DHX8: variants seen among roughly 807,000 people sequenced by gnomAD.
The protein encoded by DHX8 is ATP-dependent RNA helicase DHX8.
DHX8 carries 67 observed loss-of-function variants against 140.7 expected under a neutral mutation model. That is an observed-to-expected ratio of 0.48 (90% CI 0.39 to 0.58). The LOEUF is 0.58. Ranked by LOEUF, DHX8 falls within the 20% of genes least tolerant of loss-of-function variation. The probability of loss-of-function intolerance (pLI) is 0.00; values close to 1 mark genes in which losing one functional copy is unlikely to be tolerated. For missense variants in DHX8, 887 were observed against 1,550.7 expected (o/e 0.57, Z 7.19); for synonymous variants, 533 against 553.2 (o/e 0.96, Z 0.51).
At chr17:43,528,757 G>C (rs1418190997), downstream of DHX8, 20 of 1,611,452 alleles carry the variant, frequency 1.2e-5, no homozygotes, top group Admixed American at 5.0e-5. Context: ...TGGGGAGAGA[G>C]AAGGTCTGGT....
intron 2 of DHX8, chr17:43,533,279 T>TA: frequency 6.2e-7 from 1 of 1,613,702 alleles, no homozygotes; most frequent in Non-Finnish European, 8.5e-7. Flanking sequence ...GAAAGGGCTG[T>TA]AGGGGCGACT....
chr17:43,513,560 C>A (rs9893137), intron 17 of DHX8, 58 bp downstream of exon 17: 4 of 1,566,246 alleles, frequency 2.6e-6, no homozygotes, highest in Non-Finnish European at 2.6e-6. Flanking sequence ...CTTTCTGAAA[C>A]TTTTTTATGG....
At chr17:43,505,572 A>G (rs772118512) in intron 12 of DHX8, among the ~76,000 whole-genome samples, 1 of 152,056 alleles carries the variant, frequency 6.6e-6, no homozygotes, top group Non-Finnish European at 1.5e-5. Context: ...CCATATCACA[A>G]ATGTTTGTGT....
chr17:43,515,128 G>C (rs764351611), intron 17 of DHX8, among the ~76,000 whole-genome samples: 1 of 151,984 alleles, frequency 6.6e-6, no homozygotes, highest in Non-Finnish European at 1.5e-5. Context: ...TTCATAATTT[G>C]TGAAAGCCTT....
intron 19 of DHX8, 93 bp from the exon 20 acceptor site, chr17:43,520,656 CTG>C: frequency 1.4e-6 from 2 of 1,465,154 alleles, no homozygotes; most frequent in Admixed American, 1.9e-5. Flanking sequence ...TTGGGAAAAT[CTG>C]TGTTGTTACC....
chr17:43,539,296 A>G lies in DHX8; in HGVS notation c.*20+2798A>G, dbSNP rs530127226. ...CTGCTGAGCTTGTTCCTTCTTCCCC[A>G]GATGCTTTCTTGCCTTTTTCTTTTT... On this transcript the variant is annotated intron_variant, in intron 3 of 3. Transcript: ENST00000589898. Among the ~76,000 whole-genome samples the G allele has an allele frequency of 8.0e-4, 121 of 152,096 alleles. 1 individual carries two copies. The highest frequency in any genetic ancestry group is 1.6e-3 in the Non-Finnish European group (107 of 67,994).
chr17:43,484,036 C>T lies in DHX8; in HGVS notation c.-2C>T, dbSNP rs1598106409. ...GAAGGAGGTTCTGGGCAAGCTATAG[C>T]CATGGCTGTGGCTGTAGCCATGGCG... On this transcript the variant is annotated 5_prime_UTR_variant, in exon 1 of 23. Transcript: ENST00000262415. The T allele has an allele frequency of 6.2e-7, 1 of 1,614,000 alleles. No individual in the cohort carries two copies. Among genetic ancestry groups the T allele is most frequent in the South Asian group, 1.1e-5 (1 of 91,070 alleles).
rs759602276 is a variant in DHX8, at chr17:43,507,507, G to C, written c.1928G>C (p.Gly643Ala). 6.2e-7 allele frequency: 1 copy of C among 1,613,638 alleles called. No individual in the cohort carries two copies. Among genetic ancestry groups the C allele is most frequent in the Admixed American group, 1.7e-5 (1 of 59,956 alleles). The change falls in exon 14 of 23, where the codon GGC (glycine) becomes GCC (alanine). Residue 643 changes from glycine to alanine, a missense_variant. Gly to Ala is a moderately conservative substitution (Grantham distance 60). Transcript: ENST00000262415. Reference protein sequence around the residue: ...EFGCCLGQEVGYTIRFEDCTS... With the variant: ...EFGCCLGQEVAYTIRFEDCTS... The stretch of plus-strand genomic sequence containing the variant: ...TCCCCTTCTCTTCTGCTTTAGGTGG[G>C]CTACACCATTCGATTTGAGGACTGC...
In DHX8 at chr17:43,500,017, G is replaced by A; in HGVS notation, c.1460G>A (p.Arg487Gln). 1 of 1,614,136 alleles carries A rather than the reference G, an allele frequency of 6.2e-7. No individual in the cohort carries two copies. Among genetic ancestry groups the A allele is most frequent in the Non-Finnish European group, 8.5e-7 (1 of 1,180,006 alleles). ...CAGAGTGCCTTGGCCAAAGAAAGGC[G>A]GGAACTCAAACAGGCCCAGCGGGAA... is the stretch of plus-strand genomic sequence containing the variant. The part of the protein sequence containing the change: ...MMQSALAKER[R>Q]ELKQAQREAE... The change falls in exon 11 of 23, where the codon CGG becomes CAG. Residue 487 changes from arginine to glutamine, a missense_variant. Around this residue, in one of 9 missense-constraint regions of DHX8, gnomAD observed 178 missense variants for 398.5 expected, o/e 0.45. Coordinates refer to ENST00000262415, the MANE Select transcript of DHX8 (RefSeq NM_004941.3).
Position 43,524,111 on chromosome 17 carries a change from A to G in DHX8, c.*264A>G. The G allele has an allele frequency of 3.8e-6, 5 of 1,308,620 alleles. No homozygotes were observed. In the South Asian group the frequency reaches 4.8e-5, roughly 13 times the overall value. 81.1% of individuals were successfully genotyped at this position (1,308,620 alleles called of 1,614,324 possible). A position where few individuals can be genotyped will look rare whatever the true frequency, so the allele number is the denominator to read the frequency against. Reference sequence around the variant, plus strand: ...TCTAACACAGAGACACATTGCATCAACTTCAAGAAAGGGACAATTTGTGCA... The same window carrying G: ...TCTAACACAGAGACACATTGCATCAGCTTCAAGAAAGGGACAATTTGTGCA... On this transcript the variant is annotated 3_prime_UTR_variant, in exon 23 of 23. Transcript: ENST00000262415.
chr17:43,537,413 G>C (rs546266565), intron 3 of DHX8, among the ~76,000 whole-genome samples: 1 of 151,846 alleles, frequency 6.6e-6, no homozygotes, highest in Non-Finnish European at 1.5e-5. Context: ...TAGGGGGGTG[G>C]CTGGGCGCAG....
At chr17:43,498,528 C>T (rs1243113106) in intron 9 of DHX8, among the ~76,000 whole-genome samples, 1 of 151,658 alleles carries the variant, frequency 6.6e-6, no homozygotes, top group Non-Finnish European at 1.5e-5. Context: ...CAGCTCACTG[C>T]AACCTCTGCC....
chr17:43,521,491 T>C lies in DHX8; in HGVS notation c.3189T>C (p.Tyr1063=). Residue 1063 remains tyrosine, a synonymous_variant, in exon 21 of 23, where the codon TAT becomes TAC. Coordinates refer to ENST00000262415, the MANE Select transcript of DHX8 (RefSeq NM_004941.3). ...ACAAGTTCTCCAACCCATGGTGCTA[T>C]GAGAACTTTATCCAGGCTCGTTCCC... is the stretch of plus-strand genomic sequence containing the variant. ...KNNKFSNPWC[Y]ENFIQARSLR... 1 of 1,613,908 alleles carries C rather than the reference T, an allele frequency of 6.2e-7. No individual in the cohort carries two copies. The highest frequency in any genetic ancestry group is 2.2e-5 in the East Asian group (1 of 44,830).
chr17:43,529,976 C>T (rs935922679), downstream of DHX8: 3 of 1,614,054 alleles, frequency 1.9e-6, no homozygotes, highest in Admixed American at 5.0e-5. Context: ...TTGGGGGTTG[C>T]TCAGATCTGG....
chr17:43,529,618 C>A (rs1161741276), downstream of DHX8: 18 of 1,613,998 alleles, frequency 1.1e-5, no homozygotes, highest in Non-Finnish European at 1.4e-5. Flanking sequence ...GCAGGGCACC[C>A]CGGCGCTGGT....
Position 43,520,266 on chromosome 17 carries a change from G to A in DHX8, c.2936G>A (p.Arg979Gln), listed in dbSNP as rs1478516280. 2.5e-6 allele frequency: 4 copies of A among 1,613,938 alleles called. No individual in the cohort carries two copies. The highest frequency in any genetic ancestry group is 3.4e-6 in the Non-Finnish European group (4 of 1,179,906). Residue 979 changes from arginine (R) to glutamine (Q), a missense_variant and splice_region_variant, in exon 19 of 23, where the codon CGG becomes CAG. By Grantham distance (43) the Arg-to-Gln change is conservative. Transcript: ENST00000262415. Reference sequence around the variant, plus strand: ...GGCCTGCTCACTCGCTTGGGCCGCCGGGTAAGGGACAGACTCAACTTCCTG... The same window carrying A: ...GGCCTGCTCACTCGCTTGGGCCGCCAGGTAAGGGACAGACTCAACTTCCTG... ...DEGLLTRLGR[R>Q]MAEFPLEPML...
intron 12 of DHX8, among the ~76,000 whole-genome samples, chr17:43,506,341 A>C (rs973183823): frequency 2.6e-5 from 4 of 151,004 alleles, no homozygotes; most frequent in Non-Finnish European, 5.9e-5. Context: ...TTGCCAGGCC[A>C]GGCACAGTGG....
At position 43,507,513 on chromosome 17, in the gene DHX8, C is replaced by G; in HGVS notation, c.1934C>G (p.Thr645Ser). The G allele has an allele frequency of 6.2e-7, 1 of 1,613,826 alleles. No homozygotes were observed. Among genetic ancestry groups the G allele is most frequent in the Non-Finnish European group, 8.5e-7 (1 of 1,179,922 alleles). Residue 645 changes from threonine (T) to serine (S), a missense_variant, in exon 14 of 23, where the codon ACC (threonine) becomes AGC (serine). By Grantham distance (58) the Thr-to-Ser change is moderately conservative. This residue lies in a region of DHX8 where 178 missense variants were observed against 398.5 expected (regional missense o/e 0.45). Coordinates refer to ENST00000262415, the MANE Select transcript of DHX8 (RefSeq NM_004941.3). The part of the protein sequence containing the change: ...GCCLGQEVGY[T>S]IRFEDCTSPE... ...TCTCTTCTGCTTTAGGTGGGCTACACCATTCGATTTGAGGACTGCACTAGC... is the reference window on the plus strand; with the variant it reads ...TCTCTTCTGCTTTAGGTGGGCTACAGCATTCGATTTGAGGACTGCACTAGC...
chr17:43,513,309 C>G, intron 16 of DHX8, 53 bp from the exon 17 acceptor site: 1 of 1,593,630 alleles, frequency 6.3e-7, no homozygotes, highest in Non-Finnish European at 8.6e-7. Context: ...CCTTTTCACA[C>G]CTCAGGGCTG....
Sources: allele counts gnomAD v4.1 joint callset (sites outside exome capture counted in the v4.1 genomes callset), GRCh38; gene constraint gnomAD v4.1.1; regional missense constraint gnomAD v4.1.1; transcripts MANE v1.5; gene names NCBI Gene and HGNC (gene_info 2026-07-23, HGNC 2026-07-21).